The following CSNK2A2 variants were observed in gnomAD, a reference collection of about 807,000 sequenced individuals.
CSNK2A2 encodes the protein casein kinase II subunit alpha'.
A neutral mutation model predicts 54.0 loss-of-function variants in CSNK2A2; 8 were observed. The observed-to-expected ratio is 0.15, with a 90% CI of 0.09 to 0.27. CSNK2A2 has a LOEUF of 0.27. Among genes scored for constraint, CSNK2A2 ranks in the 10% least tolerant of loss-of-function variants. CSNK2A2 has a pLI of 1.00. For missense variants in CSNK2A2, 242 were observed against 439.4 expected (o/e 0.55, Z 4.02); for synonymous variants, 141 against 153.9 (o/e 0.92, Z 0.62).
Position 58,197,492 on chromosome 16 carries a change from T to C in CSNK2A2, c.104+141A>G. ...GAGGGAAGAGGAAGACGAGGACATG[T>C]GCGAGAGCGGGACCTCTGCCTCCCT... On this transcript the variant is annotated intron_variant, in intron 1 of 11. Transcript: ENST00000262506. The surrounding 1 kb of genome is among the most constrained non-coding windows in gnomAD (Gnocchi z 4.0). The C allele has an allele frequency of 2.2e-6, 1 of 465,020 alleles. No homozygotes were observed. The highest frequency in any genetic ancestry group is 4.1e-5 in the East Asian group (1 of 24,118). 28.8% of individuals were successfully genotyped at this position (465,020 alleles called of 1,614,324 possible).
intron 5 of CSNK2A2, among the ~76,000 whole-genome samples, chr16:58,171,983 T>A (rs1156228839): frequency 0.087 from 5,051 of 58,312 alleles, 422 homozygotes; most frequent in African/African-American, 0.31. Context: ...ATATATATTT[T>A]TTTTTTTTTT....
At chr16:58,185,311 G>T (rs1335124400) in intron 3 of CSNK2A2, among the ~76,000 whole-genome samples, 2 of 152,204 alleles carry the variant, frequency 1.3e-5, no homozygotes, top group African/African-American at 4.8e-5. Flanking sequence ...CCAGCCCGAA[G>T]CTGTAAGGGT....
At chr16:58,182,549 C>T (rs1211253603) in intron 4 of CSNK2A2, among the ~76,000 whole-genome samples, 57 of 126,766 alleles carry the variant, frequency 4.5e-4, no homozygotes, top group South Asian at 1.2e-3. Flanking sequence ...AGCGAGGCTC[C>T]GTCTCAAAAA....
At chr16:58,193,355 C>A (rs1962361555) in intron 2 of CSNK2A2, among the ~76,000 whole-genome samples, 1 of 152,188 alleles carries the variant, frequency 6.6e-6, no homozygotes, top group Non-Finnish European at 1.5e-5. Flanking sequence ...AAAATATCTG[C>A]AAGTATGCTA....
At chr16:58,192,853 T>C (rs1417194447) in intron 2 of CSNK2A2, 2 of 152,372 alleles carry the variant, frequency 1.3e-5, no homozygotes, top group South Asian at 2.1e-4. Context: ...ACGCTGAGCA[T>C]ATACATCCTT....
chr16:58,158,604 C>T (rs1202422745), intron 11 of CSNK2A2, among the ~76,000 whole-genome samples: 3 of 152,182 alleles, frequency 2.0e-5, no homozygotes, highest in Admixed American at 6.5e-5. Flanking sequence ...CTGGGCACCA[C>T]GTGTGTTGTG....
chr16:58,175,395 C>G (rs1268727874), intron 4 of CSNK2A2, among the ~76,000 whole-genome samples: 1 of 152,192 alleles, frequency 6.6e-6, no homozygotes, highest in African/African-American at 2.4e-5. Context: ...AAGAAACACA[C>G]CTTTATTAAA....
intron 11 of CSNK2A2, 21 bp downstream of exon 11, chr16:58,164,033 C>CA: frequency 6.3e-7 from 1 of 1,580,554 alleles, no homozygotes. Flanking sequence ...GTTTTATTGG[C>CA]AAGCATCAAT....
chr16:58,190,151 T>A, intron 2 of CSNK2A2, among the ~76,000 whole-genome samples: 1 of 152,176 alleles, frequency 6.6e-6, no homozygotes, highest in East Asian at 1.9e-4. Flanking sequence ...TGGGGTTCAT[T>A]TATTCCAATT....
intron 10 of CSNK2A2, among the ~76,000 whole-genome samples, chr16:58,164,940 T>C (rs1171453611): frequency 3.9e-5 from 6 of 152,188 alleles, no homozygotes; most frequent in Non-Finnish European, 8.8e-5. Flanking sequence ...CTGAGGTAAG[T>C]CTCTCAACCT....
intron 11 of CSNK2A2, chr16:58,161,347 C>T (rs189965856): frequency 2.6e-5 from 4 of 152,306 alleles, no homozygotes; most frequent in Admixed American, 2.0e-4. Context: ...CTGTTCCCCA[C>T]ATTTTTTGCT....
intron 4 of CSNK2A2, among the ~76,000 whole-genome samples, chr16:58,182,129 C>T (rs1425746303): frequency 6.6e-6 from 1 of 151,858 alleles, no homozygotes; most frequent in Non-Finnish European, 1.5e-5. Flanking sequence ...ATGTATGAAA[C>T]ATCCCCTTTG....
intron 10 of CSNK2A2, among the ~76,000 whole-genome samples, chr16:58,164,923 A>T (rs2142408810): frequency 6.6e-6 from 1 of 152,326 alleles, no homozygotes; most frequent in African/African-American, 2.4e-5. Flanking sequence ...CTTGATTCAG[A>T]AAGCGACTGA....
rs1331365986 is a variant in CSNK2A2 at position 58,180,414 on chromosome 16, G to C, written c.369+3846C>G. 9.4e-5 allele frequency among the ~76,000 whole-genome samples: 14 copies of C among 148,788 alleles called. No homozygotes were observed. The East Asian group carries it at 2.8e-3, about 29-fold the overall frequency. On this transcript the variant is annotated intron_variant, in intron 4 of 11. Transcript: ENST00000262506. ...GACCAGTCAACAATATAGTTTTTAAGTCCTAAGAGAATTCTTTGTCAATCA... is the reference window on the plus strand; with the variant it reads ...GACCAGTCAACAATATAGTTTTTAACTCCTAAGAGAATTCTTTGTCAATCA...
rs371216062 is a variant in CSNK2A2 at position 58,176,168 on chromosome 16, C to T, written c.370-1658G>A. On this transcript the variant is annotated intron_variant, in intron 4 of 11. Transcript: ENST00000262506. ...AAATTGAACTTCAAGTCAATAAATA[C>T]GCTATGAAAGAGAAAAGATCTAATT... 2.1e-4 allele frequency among the ~76,000 whole-genome samples: 32 copies of T among 152,252 alleles called. No individual in the cohort carries two copies. In the East Asian group the frequency reaches 4.4e-3, roughly 21 times the overall value.
intron 2 of CSNK2A2, among the ~76,000 whole-genome samples, chr16:58,187,139 T>G (rs1470711965): frequency 1.3e-5 from 2 of 151,148 alleles, no homozygotes; most frequent in African/African-American, 4.9e-5. Context: ...TATCACACTT[T>G]AAAAATAAAA....
intron 3 of CSNK2A2, 69 bp downstream of exon 3, chr16:58,186,686 G>T: frequency 9.5e-7 from 1 of 1,052,712 alleles, no homozygotes; most frequent in Non-Finnish European, 1.5e-6. Context: ...GTGAGGTTCT[G>T]TGTGTTAAAC....
rs760645378 is a variant in CSNK2A2, at chr16:58,164,174, G to A, written c.977-27C>T. The A allele has an allele frequency of 1.7e-5, 27 of 1,611,036 alleles. No homozygotes were observed. In the East Asian group the frequency reaches 5.8e-4, roughly 35 times the overall value. On this transcript the variant is annotated intron_variant, in intron 10 of 11. Transcript: ENST00000262506. ...TGCAAGAAAGCAGGAGGAAAGTCAG[G>A]CAATCAGGGTGGTGAGTGCTGAGAG...
intron 2 of CSNK2A2, among the ~76,000 whole-genome samples, chr16:58,188,584 T>C (rs182651139): frequency 1.3e-5 from 2 of 152,312 alleles, no homozygotes; most frequent in Admixed American, 6.5e-5. Flanking sequence ...ATAAAGAACA[T>C]TATAAGGATA....
Sources: gnomAD v4.1 joint callset for allele counts (sites outside exome capture counted in the v4.1 genomes callset) on GRCh38, gnomAD v4.1.1 for gene constraint, Gnocchi (gnomAD v3.1) non-coding constraint, MANE v1.5 for transcripts, NCBI Gene and HGNC (gene_info 2026-07-23, HGNC 2026-07-21) for gene names.